EIF4ENIF1: variants seen among roughly 807,000 people sequenced by gnomAD.
EIF4ENIF1 encodes the protein eukaryotic translation initiation factor 4E nuclear import factor 1.
A neutral mutation model predicts 110.5 loss-of-function variants in EIF4ENIF1; 23 were observed. The ratio of observed to expected loss-of-function variants is 0.21; its 90% confidence interval spans 0.15 to 0.29. The LOEUF (loss-of-function observed/expected upper bound fraction) is 0.29, where lower values mean the gene tolerates loss of function less well. Ranked by LOEUF, EIF4ENIF1 falls within the 10% of genes least tolerant of loss-of-function variation. EIF4ENIF1 has a pLI of 1.00. For synonymous variants in EIF4ENIF1, 440 were observed against 437.0 expected (o/e 1.01, Z -0.09); for missense variants, 1,031 against 1,221.1 (o/e 0.84, Z 2.32).
intron 4 of EIF4ENIF1, among the ~76,000 whole-genome samples, chr22:31,464,675 CAA>C (rs770904708): frequency 1.3e-4 from 4 of 30,918 alleles, no homozygotes; most frequent in African/African-American, 7.0e-4. Flanking sequence ...GATTCAGTCT[CAA>C]AAAAAAAAAA....
chr22:31,478,515 C>CAAAAAAAAAA (rs35883412), intron 2 of EIF4ENIF1, among the ~76,000 whole-genome samples: 1 of 87,730 alleles, frequency 1.1e-5, no homozygotes, highest in Non-Finnish European at 2.1e-5. Context: ...GACTCTGTCT[C>CAAAAAAAAAA]AAAAAAAAAA....
chr22:31,454,179 C>A lies in EIF4ENIF1; in HGVS notation c.1477G>T (p.Ala493Ser). Residue 493 changes from alanine to serine, a missense_variant, in exon 10 of 19, where the codon GCA becomes TCA. By Grantham distance (99) the Ala-to-Ser change is moderately conservative (BLOSUM62 1). Around this residue, in one of 3 missense-constraint regions of EIF4ENIF1, gnomAD observed 704 missense variants for 879.7 expected, o/e 0.80. Transcript: ENST00000330125. ...GGCTGAGAAGGCAAAGTCCCACTTG[C>A]CTTCATTGTGCTCACTAGCTTGTTG... ...AFNKLVSTMK[A>S]SGTLPSQPKV... 2 of 1,614,196 alleles carry A rather than the reference C, an allele frequency of 1.2e-6. No individual in the cohort carries two copies. Among genetic ancestry groups the A allele is most frequent in the Non-Finnish European group, 8.5e-7 (1 of 1,180,026 alleles).
chr22:31,488,839 C>G (rs2052145349), intron 1 of EIF4ENIF1, 94 bp from the exon 2 acceptor site: 2 of 1,399,886 alleles, frequency 1.4e-6, no homozygotes, highest in East Asian at 4.9e-5. Flanking sequence ...TTTAATCTCT[C>G]AAAACAGCTA....
intron 6 of EIF4ENIF1, among the ~76,000 whole-genome samples, chr22:31,460,567 T>C (rs1209391702): frequency 1.3e-5 from 2 of 151,416 alleles, no homozygotes; most frequent in African/African-American, 2.4e-5. Context: ...AGGCGGAGCT[T>C]GCAGTGAGCC....
intron 4 of EIF4ENIF1, among the ~76,000 whole-genome samples, chr22:31,465,727 T>C (rs968315225): frequency 2.6e-5 from 4 of 152,208 alleles, no homozygotes; most frequent in African/African-American, 4.8e-5. Context: ...TGAATGTTCA[T>C]TGCAGCTTTG....
intron 2 of EIF4ENIF1, among the ~76,000 whole-genome samples, chr22:31,482,762 G>A (rs1323702684): frequency 1.3e-5 from 2 of 151,922 alleles, no homozygotes; most frequent in Non-Finnish European, 1.5e-5. Context: ...GGTGGCTCAC[G>A]CCTGTAATCA....
At chr22:31,479,749 T>C (rs571149307) in intron 2 of EIF4ENIF1, among the ~76,000 whole-genome samples, 3 of 148,256 alleles carry the variant, frequency 2.0e-5, no homozygotes, top group East Asian at 4.1e-4. Context: ...AGGTTCTCAC[T>C]CTCAGGCTGG....
At chr22:31,452,447 C>A (rs1409932241) in intron 10 of EIF4ENIF1, among the ~76,000 whole-genome samples, 1 of 152,188 alleles carries the variant, frequency 6.6e-6, no homozygotes, top group African/African-American at 2.4e-5. Flanking sequence ...ACCAGATACA[C>A]TTCTGAGTGC....
intron 4 of EIF4ENIF1, among the ~76,000 whole-genome samples, chr22:31,465,954 T>C (rs189352453): frequency 2.6e-5 from 4 of 152,270 alleles, no homozygotes; most frequent in Admixed American, 6.5e-5. Context: ...AAATGTAAAC[T>C]AATCTATAGA....
At chr22:31,473,587 A>G (rs751584061) in intron 2 of EIF4ENIF1, among the ~76,000 whole-genome samples, 4 of 152,126 alleles carry the variant, frequency 2.6e-5, no homozygotes, top group Non-Finnish European at 5.9e-5. Context: ...CCCTTTCTGT[A>G]AAAGAACATT....
chr22:31,481,868 GT>G (rs1192079630), intron 2 of EIF4ENIF1, among the ~76,000 whole-genome samples: 1 of 152,132 alleles, frequency 6.6e-6, no homozygotes, highest in Non-Finnish European at 1.5e-5. Flanking sequence ...ACTAGTCAAG[GT>G]TATGAGGAGT....
At chr22:31,489,430 T>TC (rs1463479283) in intron 1 of EIF4ENIF1, 1 of 151,600 alleles carries the variant, frequency 6.6e-6, no homozygotes, top group African/African-American at 2.4e-5. Context: ...AGGCCGAATC[T>TC]CCCGGCCCGG....
intron 9 of EIF4ENIF1, among the ~76,000 whole-genome samples, chr22:31,454,621 A>G (rs16989638): frequency 0.042 from 6,432 of 152,276 alleles, 126 homozygotes; most frequent in Non-Finnish European, 0.051. Flanking sequence ...ATGAAGTGCT[A>G]TTCTTTAAAA....
In EIF4ENIF1 at chr22:31,444,486, T is replaced by C. The variant is rs924041442; in HGVS notation, c.2073+120A>G. On this transcript the variant is annotated intron_variant, in intron 15 of 18. Transcript: ENST00000330125. ...CTAATAGACAGTTATGAAAAACTAC[T>C]AGGTCAGTTATTTCCGTGGAAGGAA... 30 of 912,424 alleles carry C rather than the reference T, an allele frequency of 3.3e-5. No homozygotes were observed. The highest frequency in any genetic ancestry group is 5.4e-5 in the Non-Finnish European group (30 of 557,984). The allele number at this position is 912,424 out of a possible 1,614,324, so 56.5% of individuals were successfully genotyped here. A position where few individuals can be genotyped will look rare whatever the true frequency, so the allele number is the denominator to read the frequency against.
In EIF4ENIF1 at chr22:31,440,184, C is replaced by T. The variant is rs1343164354; in HGVS notation, c.2717-63G>A. The T allele has an allele frequency of 1.9e-5, 30 of 1,610,542 alleles. No homozygotes were observed. In the East Asian group the frequency reaches 6.0e-4, roughly 32 times the overall value. ...AAGGAAAGTTTATTAGACCCTGCTT[C>T]ATTCAAACCCTATCCAAAGAAAAGT... On this transcript the variant is annotated intron_variant, in intron 18 of 18. Coordinates refer to ENST00000330125, the MANE Select transcript of EIF4ENIF1 (RefSeq NM_019843.4).
chr22:31,493,372 A>G (rs1421792801), upstream of EIF4ENIF1, among the ~76,000 whole-genome samples: 1 of 152,054 alleles, frequency 6.6e-6, no homozygotes, highest in Non-Finnish European at 1.5e-5. Flanking sequence ...TCTGTCGCCC[A>G]GGCTAGAGTG....
chr22:31,449,581 C>G, intron 11 of EIF4ENIF1, 50 bp from the exon 12 acceptor site: 1 of 1,548,708 alleles, frequency 6.5e-7, no homozygotes, highest in Non-Finnish European at 8.7e-7. Flanking sequence ...TCCTTCTACT[C>G]AGAGGCTGTG....
upstream of EIF4ENIF1, among the ~76,000 whole-genome samples, chr22:31,490,174 A>G (rs116149326): frequency 3.5e-3 from 536 of 152,240 alleles, 5 homozygotes; most frequent in African/African-American, 0.011. Flanking sequence ...GGCACTTGGG[A>G]CCCGCGACTC....
At chr22:31,482,216 T>C (rs2051844150) in intron 2 of EIF4ENIF1, among the ~76,000 whole-genome samples, 1 of 151,846 alleles carries the variant, frequency 6.6e-6, no homozygotes, top group South Asian at 2.1e-4. Flanking sequence ...TAATTCAACA[T>C]TCACTTAACT....
Sources: allele counts gnomAD v4.1 joint callset (sites outside exome capture counted in the v4.1 genomes callset), GRCh38; gene constraint gnomAD v4.1.1; regional missense constraint gnomAD v4.1.1; transcripts MANE v1.5; gene names NCBI Gene and HGNC (gene_info 2026-07-23, HGNC 2026-07-21).